The following TENM3 variants were observed in gnomAD, a reference collection of about 807,000 sequenced individuals.
The protein encoded by TENM3 is teneurin-3.
Under a neutral mutation model 255.1 loss-of-function variants are expected in TENM3, and 63 were observed. The observed-to-expected ratio is 0.25, with a 90% CI of 0.20 to 0.30. TENM3 has a LOEUF of 0.30. TENM3 is among the 10% of genes least tolerant of loss of function. TENM3 has a pLI of 1.00. For synonymous variants in TENM3, 1,306 were observed against 1,322.3 expected (o/e 0.99, Z 0.27); for missense variants, 2,929 against 3,461.1 (o/e 0.85, Z 3.86).
At chr4:181,592,475 A>G in the TENM3 span, among the ~76,000 whole-genome samples, 1 of 151,980 alleles carries the variant, frequency 6.6e-6, no homozygotes, top group African/African-American at 2.4e-5. Context: ...CGCGAAGCCC[A>G]TGACTGAACA....
At chr4:182,555,389 G>T (rs1742482092) in intron 3 of TENM3, among the ~76,000 whole-genome samples, 1 of 152,112 alleles carries the variant, frequency 6.6e-6, no homozygotes, top group Admixed American at 6.6e-5. Flanking sequence ...TAGACATTAT[G>T]TTAGTATAAT....
the TENM3 span, chr4:181,976,518 T>C: frequency 2.0e-5 from 3 of 152,276 alleles, no homozygotes; most frequent in African/African-American, 7.2e-5. Flanking sequence ...CAGCATCTTC[T>C]TGCAGGATGC....
chr4:181,605,781 A>C, the TENM3 span, among the ~76,000 whole-genome samples: 1 of 152,178 alleles, frequency 6.6e-6, no homozygotes, highest in Non-Finnish European at 1.5e-5. Context: ...TTATAATCTA[A>C]TAAGTGGTAC....
intron 3 of TENM3, among the ~76,000 whole-genome samples, chr4:182,494,207 T>C (rs1302981695): frequency 6.6e-6 from 1 of 152,196 alleles, no homozygotes; most frequent in Non-Finnish European, 1.5e-5. Flanking sequence ...CAGTGTATGA[T>C]ATTCTGTTCT....
chr4:182,312,522 G>T (rs1762516372), intron 1 of TENM3, among the ~76,000 whole-genome samples: 1 of 152,134 alleles, frequency 6.6e-6, no homozygotes, highest in Admixed American at 6.5e-5. Flanking sequence ...CTGTCTATTT[G>T]GTTGTTTTTT....
At chr4:181,600,633 C>G in the TENM3 span, among the ~76,000 whole-genome samples, 2 of 151,708 alleles carry the variant, frequency 1.3e-5, no homozygotes, top group East Asian at 3.9e-4. Context: ...GATTGCCTGG[C>G]CCTTGATGCT....
chr4:182,023,059 G>C, the TENM3 span, among the ~76,000 whole-genome samples: 1 of 152,150 alleles, frequency 6.6e-6, no homozygotes, highest in Admixed American at 6.5e-5. Flanking sequence ...ATGTACCTTT[G>C]TTTAAGCAGT....
At chr4:181,578,268 G>A in the TENM3 span, among the ~76,000 whole-genome samples, 8 of 152,228 alleles carry the variant, frequency 5.3e-5, no homozygotes, top group African/African-American at 1.9e-4. Flanking sequence ...CAGTGTGGAA[G>A]TCCAGCTTTG....
At chr4:181,741,601 T>C in the TENM3 span, among the ~76,000 whole-genome samples, 1 of 152,190 alleles carries the variant, frequency 6.6e-6, no homozygotes, top group African/African-American at 2.4e-5. Flanking sequence ...TGGATGTAAG[T>C]TGGTAAAATG....
the TENM3 span, among the ~76,000 whole-genome samples, chr4:182,066,322 AT>A: frequency 6.6e-6 from 1 of 152,072 alleles, no homozygotes; most frequent in Non-Finnish European, 1.5e-5. Flanking sequence ...GTCAACTCAA[AT>A]GTTTTCATGT....
At chr4:181,535,893 T>C in the TENM3 span, among the ~76,000 whole-genome samples, 1,189 of 152,156 alleles carry the variant, frequency 7.8e-3, 16 homozygotes, top group African/African-American at 0.026. Context: ...TGTTTCTAAT[T>C]TTTGGCTGCT....
rs188138686 is a variant in TENM3 at position 182,690,591 on chromosome 4, G to T, written c.2221+2240G>T. On this transcript the variant is annotated intron_variant, in intron 12 of 27. Transcript: ENST00000511685. The stretch of plus-strand genomic sequence containing the variant: ...GAGAAAAGTTATGATCTGACTGTAT[G>T]TATCTTAGGAAGTACAACAAACACG... Among the ~76,000 whole-genome samples, 54 of 152,290 alleles carry T rather than the reference G, an allele frequency of 3.5e-4. No homozygotes were observed. The East Asian group carries it at 7.1e-3, about 20-fold the overall frequency.
chr4:182,449,863 C>G (rs1420513829), intron 3 of TENM3, among the ~76,000 whole-genome samples: 3 of 152,182 alleles, frequency 2.0e-5, no homozygotes, highest in African/African-American at 7.2e-5. Flanking sequence ...AAAACTTGTG[C>G]TGTATCTGTT....
chr4:181,576,073 T>C, the TENM3 span, among the ~76,000 whole-genome samples: 42 of 152,318 alleles, frequency 2.8e-4, no homozygotes, highest in Middle Eastern at 3.4e-3. Flanking sequence ...GGACATTGTC[T>C]CCACTATGTA....
chr4:181,986,020 G>A, the TENM3 span, among the ~76,000 whole-genome samples: 1 of 152,110 alleles, frequency 6.6e-6, no homozygotes, highest in African/African-American at 2.4e-5. Context: ...GAAATCCACA[G>A]ATTGAATGGG....
rs374036135 is a variant in TENM3, at chr4:182,653,728, G to A, written c.989-43G>A. 9 of 1,549,084 alleles carry A rather than the reference G, an allele frequency of 5.8e-6. No individual in the cohort carries two copies. The African/African-American group carries it at 9.7e-5, about 17-fold the overall frequency. The stretch of plus-strand genomic sequence containing the variant: ...ATGCTTAGCAATTGCCGTTGTAGCT[G>A]AAGGCAGCAGATCTTTAAACAACTT... On this transcript the variant is annotated intron_variant, in intron 5 of 27. Transcript: ENST00000511685.
chr4:181,964,940 G>A, the TENM3 span, among the ~76,000 whole-genome samples: 8 of 152,160 alleles, frequency 5.3e-5, no homozygotes, highest in Non-Finnish European at 7.3e-5. Flanking sequence ...TATTAGCCAC[G>A]TTAGGGCATT....
At chr4:182,563,548 A>T (rs999919125) in intron 3 of TENM3, among the ~76,000 whole-genome samples, 1 of 152,212 alleles carries the variant, frequency 6.6e-6, no homozygotes, top group African/African-American at 2.4e-5. Flanking sequence ...TATATTATTA[A>T]ATAATTATCC....
chr4:182,305,205 A>G (rs1762066590), intron 1 of TENM3, among the ~76,000 whole-genome samples: 1 of 149,596 alleles, frequency 6.7e-6, no homozygotes. Flanking sequence ...AAGGCAGTAA[A>G]CAGATCTAAA....
Sources: allele counts gnomAD v4.1 joint callset (sites outside exome capture counted in the v4.1 genomes callset), GRCh38; gene constraint gnomAD v4.1.1; transcripts MANE v1.5; gene names NCBI Gene and HGNC (gene_info 2026-07-23, HGNC 2026-07-21).